Variants in ARHGAP24 observed in about 807,000 individuals in gnomAD.
ARHGAP24 encodes Rho GTPase activating protein 24, also known as rho GTPase-activating protein 24.
A neutral mutation model predicts 76.4 loss-of-function variants in ARHGAP24; 50 were observed. The observed-to-expected ratio is 0.65, with a 90% CI of 0.52 to 0.83. The LOEUF (loss-of-function observed/expected upper bound fraction) is 0.83. Among genes scored for constraint, ARHGAP24 ranks in the 40% least tolerant of loss-of-function variants. The pLI is 0.00. For missense variants in ARHGAP24, 930 were observed against 914.2 expected (o/e 1.02, Z -0.22); for synonymous variants, 345 against 323.3 (o/e 1.07, Z -0.72).
intron 2 of ARHGAP24, among the ~76,000 whole-genome samples, chr4:85,638,333 A>C (rs942273710): frequency 6.6e-6 from 1 of 152,158 alleles, no homozygotes; most frequent in African/African-American, 2.4e-5. Flanking sequence ...GTTTTAGTTC[A>C]GCTGTTCCAA....
At chr4:85,699,255 T>G (rs1723979746) in intron 2 of ARHGAP24, among the ~76,000 whole-genome samples, 1 of 152,300 alleles carries the variant, frequency 6.6e-6, no homozygotes, top group South Asian at 2.1e-4. Flanking sequence ...TTAATCTTCT[T>G]CCTAGATATG....
intron 3 of ARHGAP24, among the ~76,000 whole-genome samples, chr4:85,897,980 T>TAC (rs1009017302): frequency 1.7e-4 from 21 of 123,106 alleles, no homozygotes; most frequent in African/African-American, 6.5e-4. Context: ...TTACCTCTAA[T>TAC]ACACACATAT....
intron 3 of ARHGAP24, among the ~76,000 whole-genome samples, chr4:85,747,374 A>G (rs1178509320): frequency 6.6e-6 from 1 of 152,218 alleles, no homozygotes; most frequent in Non-Finnish European, 1.5e-5. Flanking sequence ...ACAAATAAAA[A>G]CAAAATTGAA....
chr4:85,998,011 G>A (rs62305518), intron 9 of ARHGAP24, among the ~76,000 whole-genome samples: 52,195 of 151,914 alleles, frequency 0.34, 10,273 homozygotes, highest in Non-Finnish European at 0.45. Flanking sequence ...AAGTTCATCT[G>A]GATGATATTA....
chr4:85,807,113 T>A (rs1457049696), intron 3 of ARHGAP24, among the ~76,000 whole-genome samples: 1 of 152,208 alleles, frequency 6.6e-6, no homozygotes. Context: ...ATTAATTTTT[T>A]AAAACTATTA....
At chr4:85,695,927 G>T (rs1723849439) in intron 2 of ARHGAP24, among the ~76,000 whole-genome samples, 1 of 152,208 alleles carries the variant, frequency 6.6e-6, no homozygotes, top group South Asian at 2.1e-4. Flanking sequence ...TTATTTTCCT[G>T]AAGGAAATAT....
rs138631525 is a variant in ARHGAP24, at chr4:85,716,436, G to A, written c.181-5449G>A. Among the ~76,000 whole-genome samples, 772 of 152,118 alleles carry A rather than the reference G, an allele frequency of 5.1e-3. 5 individuals are homozygous for A. Among genetic ancestry groups the A allele is most frequent in the African/African-American group, 0.018 (728 of 41,536 alleles). On this transcript the variant is annotated intron_variant, in intron 2 of 9. Coordinates refer to ENST00000395184, the MANE Select transcript of ARHGAP24 (RefSeq NM_001025616.3). The stretch of plus-strand genomic sequence containing the variant: ...TATTTCTTATCAGGAATAAAAATAC[G>A]TATAATCCCATTTTGAATGTGCTGG...
intron 3 of ARHGAP24, among the ~76,000 whole-genome samples, chr4:85,860,775 G>T (rs572001534): frequency 3.3e-5 from 5 of 152,042 alleles, no homozygotes; most frequent in African/African-American, 1.2e-4. Flanking sequence ...TTATTAAAAT[G>T]ATTCATCATA....
At chr4:85,880,466 A>C (rs1733182477) in intron 3 of ARHGAP24, among the ~76,000 whole-genome samples, 1 of 152,150 alleles carries the variant, frequency 6.6e-6, no homozygotes, top group Non-Finnish European at 1.5e-5. Flanking sequence ...TTCCACCCAC[A>C]CATTTAATGG....
intron 5 of ARHGAP24, among the ~76,000 whole-genome samples, chr4:85,946,464 CA>C (rs1018010144): frequency 1.3e-5 from 2 of 152,128 alleles, no homozygotes; most frequent in Non-Finnish European, 2.9e-5. Flanking sequence ...CAGTTTATTT[CA>C]ACCCTTAGCA....
chr4:85,942,090 A>T lies in ARHGAP24; in HGVS notation c.416A>T (p.Asp139Val), dbSNP rs149943050. The T allele has an allele frequency of 2.7e-4, 439 of 1,613,652 alleles. No individual in the cohort carries two copies. The highest frequency in any genetic ancestry group is 1.7e-4 in the Middle Eastern group (1 of 5,978). Residue 139 changes from aspartate (D) to valine (V), a missense_variant, in exon 5 of 10, where the codon GAT becomes GTT. Asp to Val is a radical substitution (Grantham distance 152, BLOSUM62 -3). Transcript: ENST00000395184. ...GGCATTTTTGGACAGAAACTGGAGG[A>T]TACTGTTCGTTATGAGAAGAGATAT... ...GGGIFGQKLE[D>V]TVRYEKRYGN...
chr4:85,612,792 C>CTTTTGTTTT (rs1720436648), intron 2 of ARHGAP24, among the ~76,000 whole-genome samples: 1 of 82,774 alleles, frequency 1.2e-5, no homozygotes. Flanking sequence ...CTTTCCATTC[C>CTTTTGTTTT]TTTTTTTTTT....
intron 3 of ARHGAP24, among the ~76,000 whole-genome samples, chr4:85,872,151 G>C (rs2110192373): frequency 6.6e-6 from 1 of 151,866 alleles, no homozygotes; most frequent in South Asian, 2.1e-4. Context: ...TTTGATTACA[G>C]CCTAGTGACC....
chr4:85,827,240 G>A (rs1038408505), intron 3 of ARHGAP24, among the ~76,000 whole-genome samples: 5 of 152,208 alleles, frequency 3.3e-5, no homozygotes, highest in Admixed American at 2.0e-4. Context: ...TAATATGGAA[G>A]TTTGCATAAT....
chr4:85,753,140 G>C (rs1021609144), intron 3 of ARHGAP24, among the ~76,000 whole-genome samples: 1 of 152,158 alleles, frequency 6.6e-6, no homozygotes, highest in East Asian at 1.9e-4. Context: ...AGAAAAGAAA[G>C]AATGTGTCTT....
chr4:85,981,450 CGT>C (rs939095341), intron 8 of ARHGAP24, among the ~76,000 whole-genome samples: 36 of 152,056 alleles, frequency 2.4e-4, no homozygotes, highest in African/African-American at 8.7e-4. Flanking sequence ...TATAGAAATA[CGT>C]GTGTCAGGAT....
chr4:85,960,735 A>G (rs80125802), intron 5 of ARHGAP24, among the ~76,000 whole-genome samples: 1,922 of 152,248 alleles, frequency 0.013, 38 homozygotes, highest in African/African-American at 0.043. Context: ...GTTGCAAAAT[A>G]ATTTCTAAAC....
chr4:85,994,685 G>A lies in ARHGAP24; in HGVS notation c.1031G>A (p.Ser344Asn). Reference protein sequence around the residue: ...ELQSKPQDGVSNNNEIQKKAT... With the variant: ...ELQSKPQDGVNNNNEIQKKAT... Reference sequence around the variant, plus strand: ...CAAAGCAAGCCCCAAGATGGAGTGAGCAACAACAATGAAATTCAGAAGAAA... The same window carrying A: ...CAAAGCAAGCCCCAAGATGGAGTGAACAACAACAATGAAATTCAGAAGAAA... Residue 344 changes from serine to asparagine, a missense_variant, in exon 9 of 10, where the codon AGC (serine) becomes AAC (asparagine). Transcript: ENST00000395184. 1 of 1,614,150 alleles carries A rather than the reference G, an allele frequency of 6.2e-7. No homozygotes were observed. Among genetic ancestry groups the A allele is most frequent in the South Asian group, 1.1e-5 (1 of 91,070 alleles).
At chr4:85,871,785 T>A (rs1031477213) in intron 3 of ARHGAP24, among the ~76,000 whole-genome samples, 1 of 152,084 alleles carries the variant, frequency 6.6e-6, no homozygotes, top group Non-Finnish European at 1.5e-5. Flanking sequence ...TTAATTCTCC[T>A]CTCAGGGACA....
Sources: allele counts gnomAD v4.1 joint callset (sites outside exome capture counted in the v4.1 genomes callset), GRCh38; gene constraint gnomAD v4.1.1; transcripts MANE v1.5; gene names NCBI Gene and HGNC (gene_info 2026-07-23, HGNC 2026-07-21).